The following HTR4 variants were observed in gnomAD, a reference collection of about 807,000 sequenced individuals.
HTR4 encodes the protein 5-hydroxytryptamine receptor 4.
A neutral mutation model predicts 36.8 loss-of-function variants in HTR4; 16 were observed. That is an observed-to-expected ratio of 0.43 (90% confidence interval 0.29 to 0.66). The LOEUF is 0.66. Among genes scored for constraint, HTR4 ranks in the 30% least tolerant of loss-of-function variants. The pLI is 0.13. For missense variants in HTR4, 438 were observed against 490.9 expected (o/e 0.89, Z 1.02); for synonymous variants, 189 against 185.1 (o/e 1.02, Z -0.17).
downstream of HTR4, among the ~76,000 whole-genome samples, chr5:148,480,150 C>T (rs1476669703): frequency 6.6e-6 from 1 of 152,080 alleles, no homozygotes; most frequent in Non-Finnish European, 1.5e-5. Context: ...TCATAGTGAA[C>T]AAACATTTGA....
At chr5:148,505,046 T>G (rs984208843) in intron 6 of HTR4, among the ~76,000 whole-genome samples, 5 of 152,086 alleles carry the variant, frequency 3.3e-5, no homozygotes, top group Admixed American at 3.3e-4. Flanking sequence ...GGATTCACAG[T>G]CGAATTCTAC....
chr5:148,492,762 G>A (rs539785140), intron 6 of HTR4, among the ~76,000 whole-genome samples: 6 of 152,200 alleles, frequency 3.9e-5, no homozygotes, highest in Admixed American at 6.5e-5. Context: ...AAAAAGCTTG[G>A]AGATGTTTGG....
chr5:148,550,704 C>A (rs560164456), intron 2 of HTR4, among the ~76,000 whole-genome samples: 37 of 152,258 alleles, frequency 2.4e-4, no homozygotes, highest in Non-Finnish European at 1.6e-4. Context: ...TTGCCATGGA[C>A]CCCCAGGTTG....
chr5:148,465,581 C>T (rs181478523), intron 5 of HTR4, among the ~76,000 whole-genome samples: 5 of 152,244 alleles, frequency 3.3e-5, no homozygotes, highest in Admixed American at 2.6e-4. Context: ...TCAGCTCCAT[C>T]GCAGTGCTCA....
intron 2 of HTR4, among the ~76,000 whole-genome samples, chr5:148,558,477 TACTC>T (rs1215084602): frequency 6.6e-6 from 1 of 152,184 alleles, no homozygotes; most frequent in African/African-American, 2.4e-5. Context: ...AAATGAAAGA[TACTC>T]ACCAGTTTTA....
intron 2 of HTR4, among the ~76,000 whole-genome samples, chr5:148,565,096 T>G (rs1760379299): frequency 7.2e-6 from 1 of 138,230 alleles, no homozygotes; most frequent in South Asian, 2.3e-4. Context: ...GGCAACAGAG[T>G]GAGACTCCAT....
At chr5:148,462,433 A>T (rs993056864) in intron 5 of HTR4, among the ~76,000 whole-genome samples, 1 of 152,090 alleles carries the variant, frequency 6.6e-6, no homozygotes, top group African/African-American at 2.4e-5. Context: ...AAATTGACCA[A>T]TTCCTTGAAA....
At chr5:148,526,476 G>A (rs980996678) in intron 4 of HTR4, among the ~76,000 whole-genome samples, 1 of 152,046 alleles carries the variant, frequency 6.6e-6, no homozygotes, top group African/African-American at 2.4e-5. Flanking sequence ...TTAGAATGAG[G>A]TGCCGAGATG....
chr5:148,544,806 A>G (rs1430365460), intron 4 of HTR4, among the ~76,000 whole-genome samples: 1 of 152,194 alleles, frequency 6.6e-6, no homozygotes, highest in Non-Finnish European at 1.5e-5. Flanking sequence ...AAGGAGTCCT[A>G]CATTTTGCTT....
intron 2 of HTR4, among the ~76,000 whole-genome samples, chr5:148,601,672 G>T (rs1456437106): frequency 6.6e-6 from 1 of 152,020 alleles, no homozygotes; most frequent in Non-Finnish European, 1.5e-5. Flanking sequence ...ACAGTGGCAT[G>T]CATCTGTAGT....
intron 5 of HTR4, among the ~76,000 whole-genome samples, chr5:148,515,455 A>T (rs1042983674): frequency 6.6e-6 from 1 of 152,194 alleles, no homozygotes; most frequent in Non-Finnish European, 1.5e-5. Flanking sequence ...ATGGTGTTTC[A>T]ATCTGGGATT....
chr5:148,571,600 T>C (rs1760680351), intron 2 of HTR4, among the ~76,000 whole-genome samples: 1 of 152,052 alleles, frequency 6.6e-6, no homozygotes, highest in Non-Finnish European at 1.5e-5. Flanking sequence ...GCAGTTGATC[T>C]GGGGTGATTG....
intron 2 of HTR4, among the ~76,000 whole-genome samples, chr5:148,590,105 C>A (rs761055997): frequency 1.3e-5 from 2 of 151,984 alleles, no homozygotes; most frequent in Non-Finnish European, 2.9e-5. Context: ...AACAATATTT[C>A]ATTGTTGGAT....
chr5:148,636,430 T>A (rs1417593711), intron 2 of HTR4, among the ~76,000 whole-genome samples: 1 of 152,174 alleles, frequency 6.6e-6, no homozygotes, highest in Admixed American at 6.5e-5. Flanking sequence ...AATAAAGCAA[T>A]CTTTTCGAAA....
At chr5:148,520,984 G>A (rs1259472201) in intron 5 of HTR4, 1 of 1,367,706 alleles carries the variant, frequency 7.3e-7, no homozygotes, top group South Asian at 1.1e-5. Context: ...AACAAGGCAG[G>A]ACTAAGGGCT....
At position 148,565,123 on chromosome 5, in the gene HTR4, A is replaced by AAT. The variant is rs1760381933; in HGVS notation, c.27-14862_27-14861insAT. Among the ~76,000 whole-genome samples, 3 of 152,008 alleles carry AAT rather than the reference A, an allele frequency of 2.0e-5. No homozygotes were observed. The South Asian group carries it at 6.2e-4, about 32-fold the overall frequency. On this transcript the variant is annotated intron_variant, in intron 2 of 6. Coordinates refer to ENST00000377888, the MANE Select transcript of HTR4 (RefSeq NM_000870.7). The stretch of plus-strand genomic sequence containing the variant: ...AGACTCCATCTAAAAAAAAAAAAAA[A>AAT]AAAGATTAATAAATCTAAATCTAAA...
intron 5 of HTR4, among the ~76,000 whole-genome samples, chr5:148,461,640 G>A (rs1216714392): frequency 6.6e-6 from 1 of 151,944 alleles, no homozygotes; most frequent in Non-Finnish European, 1.5e-5. Context: ...AGAAGTGCAA[G>A]GAGAAATAGA....
intron 1 of HTR4, among the ~76,000 whole-genome samples, 161 bp from the exon 2 acceptor site, chr5:148,637,222 C>T (rs10060144): frequency 0.012 from 1,803 of 152,238 alleles, 40 homozygotes; most frequent in African/African-American, 0.041. Flanking sequence ...GGCATATTGA[C>T]GTATGGTACA....
At chr5:148,548,914 G>T (rs1229657082) in intron 3 of HTR4, 46 bp from the exon 4 acceptor site, 1 of 1,330,186 alleles carries the variant, frequency 7.5e-7, no homozygotes, top group Non-Finnish European at 1.1e-6. Flanking sequence ...GAGGGATGAA[G>T]GGAAAAAGGG....
Sources: gnomAD v4.1 joint callset for allele counts (sites outside exome capture counted in the v4.1 genomes callset) on GRCh38, gnomAD v4.1.1 for gene constraint, MANE v1.5 for transcripts, NCBI Gene and HGNC (gene_info 2026-07-23, HGNC 2026-07-21) for gene names.